Variants in PRKCZ observed in about 807,000 individuals in gnomAD.
PRKCZ encodes the protein protein kinase C zeta.
Under a neutral mutation model 79.5 loss-of-function variants are expected in PRKCZ, and 33 were observed. The ratio of observed to expected loss-of-function variants is 0.41; its 90% confidence interval spans 0.31 to 0.55. The LOEUF is 0.55. Ranked by LOEUF, PRKCZ falls within the 20% of genes least tolerant of loss-of-function variation. The probability of loss-of-function intolerance (pLI) is 0.19; values close to 1 mark genes in which losing one functional copy is unlikely to be tolerated. For missense variants in PRKCZ, 578 were observed against 813.5 expected (o/e 0.71, Z 3.52); for synonymous variants, 342 against 320.9 (o/e 1.07, Z -0.70).
intron 4 of PRKCZ, among the ~76,000 whole-genome samples, chr1:2,124,365 TC>T: frequency 1.6e-5 from 2 of 123,222 alleles, no homozygotes; most frequent in African/African-American, 6.5e-5. Flanking sequence ...GTGGTTAGGG[TC>T]ACGGCGGCGG....
At chr1:2,111,314 A>G (rs1164838799) in intron 4 of PRKCZ, among the ~76,000 whole-genome samples, 1 of 151,968 alleles carries the variant, frequency 6.6e-6, no homozygotes, top group African/African-American at 2.4e-5. Context: ...GGTCTGGGGC[A>G]CAGCCAGGGA....
intron 4 of PRKCZ, among the ~76,000 whole-genome samples, chr1:2,106,912 C>T (rs1668657616): frequency 6.6e-6 from 1 of 151,798 alleles, no homozygotes; most frequent in Non-Finnish European, 1.5e-5. Flanking sequence ...CTCAGCAAGC[C>T]CCTCCGGTGG....
At chr1:2,176,039 G>A (rs1685435584) in intron 16 of PRKCZ, among the ~76,000 whole-genome samples, 2 of 152,178 alleles carry the variant, frequency 1.3e-5, no homozygotes, top group Non-Finnish European at 2.9e-5. Context: ...TTAGCGTCGG[G>A]TATTGAAGGA....
intron 4 of PRKCZ, among the ~76,000 whole-genome samples, chr1:2,086,479 C>T (rs1338228004): frequency 2.6e-5 from 4 of 152,166 alleles, no homozygotes; most frequent in Non-Finnish European, 5.9e-5. Context: ...GGGGCCTTGG[C>T]GAGCGGCTCC....
chr1:2,121,641 G>GTTAT (rs372378634), intron 4 of PRKCZ, among the ~76,000 whole-genome samples: 1,140 of 22,920 alleles, frequency 0.05, 313 homozygotes, highest in African/African-American at 0.18. Flanking sequence ...CACAGTGGTA[G>GTTAT]TTAGGGTCAC....
chr1:2,113,609 C>A (rs1670175244), intron 4 of PRKCZ, among the ~76,000 whole-genome samples: 1 of 152,198 alleles, frequency 6.6e-6, no homozygotes, highest in Non-Finnish European at 1.5e-5. Context: ...GGGGGTGCAG[C>A]CTGCCTGTCT....
intron 4 of PRKCZ, among the ~76,000 whole-genome samples, chr1:2,095,118 A>T (rs1010214626): frequency 6.6e-6 from 1 of 152,148 alleles, no homozygotes; most frequent in Admixed American, 6.5e-5. Flanking sequence ...AGTCCAAGCA[A>T]CATCACCACT....
At position 2,127,573 on chromosome 1, in the gene PRKCZ, G is replaced by A. The variant is rs117004101; in HGVS notation, c.335-7689G>A. 9.6e-3 allele frequency among the ~76,000 whole-genome samples: 1,457 copies of A among 152,362 alleles called. 65 individuals carry two copies. Among genetic ancestry groups the A allele is most frequent in the East Asian group, 0.074 (382 of 5,186 alleles). ...CACTATCCAGCGCAGAAGGAATGAA[G>A]GACTTCTGTTCAGACAGCTCTGCTG... On this transcript the variant is annotated intron_variant, in intron 4 of 17. Transcript: ENST00000378567. The surrounding 1 kb of genome is among the most constrained non-coding windows in gnomAD (Gnocchi z 5.1).
At position 2,074,317 on chromosome 1, in the gene PRKCZ, G is replaced by A. The variant is rs1014867284; in HGVS notation, c.334+14726G>A. On this transcript the variant is annotated intron_variant, in intron 4 of 17. Transcript: ENST00000378567. ...TGGTGGATGTGTGGCGGTGGCTGTG[G>A]AGGGCTGGGGGCCGGGGGGCTTGGG... The A allele has an allele frequency of 5.2e-6, 8 of 1,549,196 alleles. No homozygotes were observed. The African/African-American group carries it at 9.6e-5, about 19-fold the overall frequency.
chr1:2,168,088 G>T lies in PRKCZ; in HGVS notation c.975-1430G>T, dbSNP rs932586288. ...GCACATCGAGGGCACCCTCAGAGCT[G>T]CTCTTTCTGTCATTGCTATTTTGTT... On this transcript the variant is annotated intron_variant, in intron 10 of 17. Transcript: ENST00000378567. The surrounding 1 kb of genome is among the most constrained non-coding windows in gnomAD (Gnocchi z 4.7). Among the ~76,000 whole-genome samples the T allele has an allele frequency of 1.3e-5, 2 of 152,166 alleles. No homozygotes were observed. Among genetic ancestry groups the T allele is most frequent in the African/African-American group, 4.8e-5 (2 of 41,426 alleles).
chr1:2,104,999 T>C (rs1668131206), intron 4 of PRKCZ: 1 of 869,220 alleles, frequency 1.2e-6, no homozygotes, highest in African/African-American at 1.8e-5. Flanking sequence ...CTTGTTGACC[T>C]TGATCTGTGA....
Position 2,077,576 on chromosome 1 carries a change from T to G in PRKCZ, c.334+17985T>G, listed in dbSNP as rs1023090549. 7.9e-5 allele frequency among the ~76,000 whole-genome samples: 12 copies of G among 152,226 alleles called. No individual in the cohort carries two copies. The East Asian group carries it at 2.3e-3, about 29-fold the overall frequency. On this transcript the variant is annotated intron_variant, in intron 4 of 17. Coordinates refer to ENST00000378567, the MANE Select transcript of PRKCZ (RefSeq NM_002744.6). ...TTGTGTATAAAGTTTGCATTGTACATTATATTTAAAATTTTATTTTGAGTT... is the reference window on the plus strand; with the variant it reads ...TTGTGTATAAAGTTTGCATTGTACAGTATATTTAAAATTTTATTTTGAGTT...
intron 4 of PRKCZ, among the ~76,000 whole-genome samples, chr1:2,104,542 A>ATGG (rs965204996): frequency 7.2e-5 from 11 of 152,050 alleles, no homozygotes; most frequent in Non-Finnish European, 1.5e-4. Context: ...AGTGGCGCGA[A>ATGG]TGGTGGGAAG....
chr1:2,174,065 C>A lies in PRKCZ; in HGVS notation c.1405+49C>A. 1 of 1,528,276 alleles carries A rather than the reference C, an allele frequency of 6.5e-7. No individual in the cohort carries two copies. The highest frequency in any genetic ancestry group is 1.2e-5 in the South Asian group (1 of 80,876). The allele number at this position is 1,528,276 out of a possible 1,614,324, so 94.7% of individuals were successfully genotyped here. On this transcript the variant is annotated intron_variant, in intron 14 of 17. Coordinates refer to ENST00000378567, the MANE Select transcript of PRKCZ (RefSeq NM_002744.6). This position sits in a 1 kb window ranked among gnomAD's most constrained non-coding sequence, Gnocchi z 6.2. ...TACCCCTCACCTGCACGACTGTCTT[C>A]CTTCCTTTTCAAAGGTGCAGGTGGA... is the stretch of plus-strand genomic sequence containing the variant.
Position 2,050,621 on chromosome 1 carries a change from G to T in PRKCZ, c.-10G>T, listed in dbSNP as rs944786898. Reference sequence around the variant, plus strand: ...GGGCGCAGCGCTGACGGCGGCGGGGGGAGCGCGCCATGCCCAGCAGGACCG... The same window carrying T: ...GGGCGCAGCGCTGACGGCGGCGGGGTGAGCGCGCCATGCCCAGCAGGACCG... On this transcript the variant is annotated 5_prime_UTR_variant, in exon 1 of 18. Transcript: ENST00000378567. The T allele has an allele frequency of 4.9e-5, 60 of 1,223,186 alleles. 1 individual carries two copies. The East Asian group carries it at 1.9e-3, about 38-fold the overall frequency. 75.8% of individuals were successfully genotyped at this position (1,223,186 alleles called of 1,614,324 possible).
rs753021608 is a variant in PRKCZ, at chr1:2,156,311, C to T, written c.974+219C>T. ...GTTATTTAATTCCATTTACGAAATA[C>T]TTACTGGAGGTATCCCACTGAGTGC... On this transcript the variant is annotated intron_variant, in intron 10 of 17. Transcript: ENST00000378567. 9.1e-5 allele frequency: 42 copies of T among 460,736 alleles called. No homozygotes were observed. The Middle Eastern group carries it at 2.6e-3, about 28-fold the overall frequency. The allele number at this position is 460,736 out of a possible 1,614,324, so 28.5% of individuals were successfully genotyped here. A position where few individuals can be genotyped will look rare whatever the true frequency, so the allele number is the denominator to read the frequency against.
At chr1:2,114,603 G>A (rs1436469181) in intron 4 of PRKCZ, among the ~76,000 whole-genome samples, 1 of 152,150 alleles carries the variant, frequency 6.6e-6, no homozygotes, top group African/African-American at 2.4e-5. Context: ...GTGAAATCCA[G>A]TCTCTACTAA....
intron 6 of PRKCZ, chr1:2,144,590 A>G (rs964397109): frequency 7.4e-7 from 1 of 1,358,492 alleles, no homozygotes; most frequent in Non-Finnish European, 9.5e-7. Context: ...CTCAGGTAGG[A>G]CGTGGTACGC....
At chr1:2,074,516 G>A (rs961948485) in intron 4 of PRKCZ, among the ~76,000 whole-genome samples, 12 of 152,184 alleles carry the variant, frequency 7.9e-5, no homozygotes, top group South Asian at 4.1e-4. Context: ...ATGAGACCAC[G>A]GGTGAAGTCT....
Sources: allele counts gnomAD v4.1 joint callset (sites outside exome capture counted in the v4.1 genomes callset), GRCh38; gene constraint gnomAD v4.1.1; non-coding constraint Gnocchi (gnomAD v3.1); transcripts MANE v1.5; gene names NCBI Gene and HGNC (gene_info 2026-07-23, HGNC 2026-07-21).